Variants in ROR1 observed in about 807,000 individuals in gnomAD.
The protein encoded by ROR1 is ROR family WNT receptor 1.
In ROR1, 19 loss-of-function variants were observed where a neutral mutation model predicts 78.8. The ratio of observed to expected loss-of-function variants is 0.24; its 90% CI spans 0.17 to 0.35. The LOEUF (loss-of-function observed/expected upper bound fraction) is 0.35. Ranked by LOEUF, ROR1 falls within the 10% of genes least tolerant of loss-of-function variation. The pLI is 1.00. For missense variants in ROR1, 917 were observed against 1,177.8 expected, an observed-to-expected ratio of 0.78 and a Z score of 3.24; for synonymous variants, 386 against 433.6, an observed-to-expected ratio of 0.89 and a Z score of 1.36.
At chr1:63,818,140 T>C (rs1015932989) in intron 1 of ROR1, among the ~76,000 whole-genome samples, 10 of 152,184 alleles carry the variant, frequency 6.6e-5, no homozygotes, top group Non-Finnish European at 1.3e-4. Flanking sequence ...GAGCTGGGGT[T>C]AGAACCCAGT....
chr1:63,897,625 G>A (rs367992140), intron 1 of ROR1, among the ~76,000 whole-genome samples: 2 of 152,162 alleles, frequency 1.3e-5, no homozygotes, highest in Admixed American at 6.5e-5. Flanking sequence ...CTACTGTGGA[G>A]CTAGGTACCC....
intron 8 of ROR1, among the ~76,000 whole-genome samples, chr1:64,169,706 G>A (rs540493760): frequency 1.3e-5 from 2 of 152,280 alleles, no homozygotes; most frequent in South Asian, 2.1e-4. Flanking sequence ...TCTCATCCAA[G>A]ACAACGCAAG....
intron 1 of ROR1, among the ~76,000 whole-genome samples, chr1:63,919,306 C>A (rs1033171403): frequency 6.6e-6 from 1 of 151,668 alleles, no homozygotes; most frequent in Non-Finnish European, 1.5e-5. Context: ...CCGATGAATG[C>A]CCTCTTTCTT....
At chr1:63,804,799 G>T (rs1281294076) in intron 1 of ROR1, among the ~76,000 whole-genome samples, 1 of 152,060 alleles carries the variant, frequency 6.6e-6, no homozygotes, top group East Asian at 1.9e-4. Context: ...AATAAGAAGG[G>T]ACCCCATTCT....
At chr1:63,943,244 A>G (rs1645856351) in intron 1 of ROR1, among the ~76,000 whole-genome samples, 1 of 151,968 alleles carries the variant, frequency 6.6e-6, no homozygotes, top group Non-Finnish European at 1.5e-5. Flanking sequence ...TTGTGCCACA[A>G]CTCACTCAGC....
intron 4 of ROR1, among the ~76,000 whole-genome samples, chr1:64,092,089 A>G (rs1175004937): frequency 7.5e-6 from 1 of 133,912 alleles, no homozygotes; most frequent in Non-Finnish European, 1.5e-5. Flanking sequence ...CTGAGATGTA[A>G]TTCTTCCCTC....
At chr1:63,941,078 G>A (rs1645835537) in intron 1 of ROR1, among the ~76,000 whole-genome samples, 1 of 152,172 alleles carries the variant, frequency 6.6e-6, no homozygotes, top group African/African-American at 2.4e-5. Flanking sequence ...ACTGTTCTAA[G>A]TTAAAGGAGA....
At position 63,932,409 on chromosome 1, in the gene ROR1, C is replaced by T. The variant is rs980153117; in HGVS notation, c.92-76896C>T. 6.6e-5 allele frequency among the ~76,000 whole-genome samples: 10 copies of T among 152,048 alleles called. No individual in the cohort carries two copies. In the East Asian group the frequency reaches 1.2e-3, roughly 18 times the overall value. On this transcript the variant is annotated intron_variant, in intron 1 of 8. Coordinates refer to ENST00000371079, the MANE Select transcript of ROR1 (RefSeq NM_005012.4). ...CACTCAGGTCTCGGCAAGAATAGCC[C>T]GGCCTCCCTTCCTTCAGCCCATCTT...
intron 1 of ROR1, among the ~76,000 whole-genome samples, chr1:64,006,984 G>A (rs285393): frequency 0.7 from 106,784 of 151,966 alleles, 39,909 homozygotes; most frequent in East Asian, 0.94. Flanking sequence ...ATGGAAATAC[G>A]AAAAATGTGC....
At chr1:64,014,740 CTATATA>C (rs1208813882) in intron 2 of ROR1, among the ~76,000 whole-genome samples, 7,829 of 29,044 alleles carry the variant, frequency 0.27, 2,291 homozygotes, top group Middle Eastern at 0.48. Flanking sequence ...CATACGCACA[CTATATA>C]TATATATATA....
At chr1:64,174,630 G>C (rs1487078404) in intron 8 of ROR1, among the ~76,000 whole-genome samples, 1 of 152,126 alleles carries the variant, frequency 6.6e-6, no homozygotes, top group Non-Finnish European at 1.5e-5. Context: ...GTCTCCAAAA[G>C]CGTAGAGATC....
chr1:64,140,574 G>A, intron 6 of ROR1, 148 bp downstream of exon 6: 1 of 673,320 alleles, frequency 1.5e-6, no homozygotes, highest in Non-Finnish European at 2.5e-6. Context: ...AGCATTCAGT[G>A]GTGGATTAGA....
chr1:63,925,690 T>G (rs1047717792), intron 1 of ROR1, among the ~76,000 whole-genome samples: 135 of 150,472 alleles, frequency 9.0e-4, no homozygotes, highest in African/African-American at 3.2e-3. Flanking sequence ...TTCCTGACTT[T>G]TTAATGATTG....
intron 1 of ROR1, among the ~76,000 whole-genome samples, chr1:63,921,897 A>T (rs1359416301): frequency 6.6e-6 from 1 of 152,192 alleles, no homozygotes; most frequent in East Asian, 1.9e-4. Flanking sequence ...AAACACTGCA[A>T]ATGTGCATTT....
chr1:63,950,003 A>G (rs1233866849), intron 1 of ROR1, among the ~76,000 whole-genome samples: 1 of 152,156 alleles, frequency 6.6e-6, no homozygotes. Flanking sequence ...CAAATCTGTT[A>G]GAATCACCGC....
At chr1:64,119,963 A>G (rs1364606301) in intron 4 of ROR1, among the ~76,000 whole-genome samples, 3 of 152,234 alleles carry the variant, frequency 2.0e-5, no homozygotes, top group Non-Finnish European at 4.4e-5. Context: ...TCTAGAAATA[A>G]AAACTTTTAA....
chr1:64,067,346 C>T (rs932607638), intron 4 of ROR1, among the ~76,000 whole-genome samples: 3 of 139,728 alleles, frequency 2.1e-5, no homozygotes, highest in African/African-American at 8.1e-5. Flanking sequence ...GACCCTGTCT[C>T]ACAAAAAAAT....
chr1:64,003,337 A>G (rs1244102328), intron 1 of ROR1, among the ~76,000 whole-genome samples: 3 of 152,206 alleles, frequency 2.0e-5, no homozygotes, highest in African/African-American at 4.8e-5. Flanking sequence ...ATGTAATTAC[A>G]TGGTTAAAAA....
chr1:63,838,083 A>G (rs1645028899), intron 1 of ROR1, among the ~76,000 whole-genome samples: 1 of 152,126 alleles, frequency 6.6e-6, no homozygotes, highest in Admixed American at 6.6e-5. Context: ...GTCCTGTAAA[A>G]CTATGGCACC....
Sources: allele counts gnomAD v4.1 joint callset (sites outside exome capture counted in the v4.1 genomes callset), GRCh38; gene constraint gnomAD v4.1.1; transcripts MANE v1.5; gene names NCBI Gene and HGNC (gene_info 2026-07-23, HGNC 2026-07-21).